The following KANSL1L variants were observed in gnomAD, a reference collection of about 807,000 sequenced individuals.
The protein encoded by KANSL1L is KAT8 regulatory NSL complex subunit 1-like protein.
A neutral mutation model predicts 108.6 loss-of-function variants in KANSL1L; 25 were observed. The ratio of observed to expected loss-of-function variants is 0.23; its 90% CI spans 0.17 to 0.32. KANSL1L has a LOEUF of 0.32. Ranked by LOEUF, KANSL1L falls within the 10% of genes least tolerant of loss-of-function variation. The pLI is 1.00. For missense variants in KANSL1L, 1,137 were observed against 1,125.7 expected, an observed-to-expected ratio of 1.01 and a Z score of -0.14; for synonymous variants, 405 against 395.1, an observed-to-expected ratio of 1.03 and a Z score of -0.30.
chr2:210,040,802 A>G (rs1364621024), intron 7 of KANSL1L, among the ~76,000 whole-genome samples: 2 of 152,188 alleles, frequency 1.3e-5, no homozygotes, highest in African/African-American at 2.4e-5. Context: ...AAAATAGTAC[A>G]TAAGATGAAC....
At position 210,111,711 on chromosome 2, in the gene KANSL1L, CTTTT is replaced by C. The variant is rs558766388; in HGVS notation, c.1231-7414_1231-7411del. 2.7e-5 allele frequency among the ~76,000 whole-genome samples: 4 copies of C among 150,828 alleles called. No homozygotes were observed. In the East Asian group the frequency reaches 7.8e-4, roughly 29 times the overall value. Reference sequence around the variant, plus strand: ...AATAAACAAGAACATCTTTTTTTTTCTTTTTTTTAACTTTTTTTAAAAAATTTTA... The same window carrying C: ...AATAAACAAGAACATCTTTTTTTTTCTTTTAACTTTTTTTAAAAAATTTTA... On this transcript the variant is annotated intron_variant, in intron 3 of 14. Coordinates refer to ENST00000281772, the MANE Select transcript of KANSL1L (RefSeq NM_152519.4).
At chr2:210,161,154 AATTTTTGT>A (rs1206547797) in intron 1 of KANSL1L, among the ~76,000 whole-genome samples, 1 of 151,882 alleles carries the variant, frequency 6.6e-6, no homozygotes, top group Non-Finnish European at 1.5e-5. Flanking sequence ...ATGCCCGGCT[AATTTTTGT>A]ATTTTTGTAG....
chr2:210,137,855 A>T (rs1575598916), intron 2 of KANSL1L, among the ~76,000 whole-genome samples: 1 of 152,154 alleles, frequency 6.6e-6, no homozygotes, highest in East Asian at 1.9e-4. Flanking sequence ...GCACAGCAAA[A>T]ACCTGTCTCT....
At chr2:210,075,412 T>G in intron 6 of KANSL1L, 140 bp downstream of exon 6, 1 of 626,574 alleles carries the variant, frequency 1.6e-6, no homozygotes, top group Non-Finnish European at 2.8e-6. Flanking sequence ...ACTATATCAT[T>G]TTTAAACTAT....
At chr2:210,058,750 T>C (rs1374777713) in intron 6 of KANSL1L, among the ~76,000 whole-genome samples, 2 of 148,516 alleles carry the variant, frequency 1.3e-5, no homozygotes, top group Non-Finnish European at 3.0e-5. Context: ...GGCAGGAGAA[T>C]GGTGTGAACC....
At chr2:210,102,364 T>C (rs1053217639) in intron 4 of KANSL1L, among the ~76,000 whole-genome samples, 5 of 152,162 alleles carry the variant, frequency 3.3e-5, no homozygotes, top group Admixed American at 3.3e-4. Context: ...ATAAAAACCC[T>C]AGAAGAAAAC....
At chr2:210,161,502 A>G (rs1477353366) in intron 1 of KANSL1L, among the ~76,000 whole-genome samples, 1 of 152,250 alleles carries the variant, frequency 6.6e-6, no homozygotes, top group Non-Finnish European at 1.5e-5. Flanking sequence ...AATGTTTGTG[A>G]CACTGCTTTA....
chr2:210,166,890 T>C (rs1411581366), intron 1 of KANSL1L, among the ~76,000 whole-genome samples: 3 of 151,644 alleles, frequency 2.0e-5, no homozygotes, highest in African/African-American at 7.3e-5. Flanking sequence ...AAAGAAAGAG[T>C]AGAAAAAAGA....
intron 5 of KANSL1L, among the ~76,000 whole-genome samples, chr2:210,083,943 T>C (rs1026164937): frequency 2.6e-5 from 4 of 151,616 alleles, no homozygotes; most frequent in Non-Finnish European, 4.4e-5. Flanking sequence ...AATGATCAAA[T>C]AGATCAAGAT....
chr2:210,097,994 A>G, intron 5 of KANSL1L, 92 bp downstream of exon 5: 1 of 1,058,042 alleles, frequency 9.5e-7, no homozygotes, highest in Non-Finnish European at 1.3e-6. Context: ...CAAAAAAAGT[A>G]GCTATAATAC....
chr2:210,151,171 A>G (rs1003134047), intron 2 of KANSL1L, among the ~76,000 whole-genome samples: 5 of 152,022 alleles, frequency 3.3e-5, no homozygotes, highest in Non-Finnish European at 7.4e-5. Flanking sequence ...GCACACCACC[A>G]TGCCGGGCTA....
intron 2 of KANSL1L, among the ~76,000 whole-genome samples, chr2:210,141,417 T>G (rs1478221237): frequency 6.6e-6 from 1 of 152,046 alleles, no homozygotes; most frequent in African/African-American, 2.4e-5. Flanking sequence ...GCTCCACCTT[T>G]ATCATGAGAT....
chr2:210,120,159 G>A (rs960471376), intron 3 of KANSL1L, among the ~76,000 whole-genome samples: 4 of 152,126 alleles, frequency 2.6e-5, no homozygotes, highest in African/African-American at 9.7e-5. Context: ...GGAGGCTCAG[G>A]CAGGTGGACT....
intron 2 of KANSL1L, among the ~76,000 whole-genome samples, chr2:210,143,618 T>C (rs1349186872): frequency 6.6e-6 from 1 of 152,110 alleles, no homozygotes; most frequent in African/African-American, 2.4e-5. Context: ...CTTCATCTTT[T>C]GTATATCTAC....
chr2:210,137,200 C>T (rs2095181514), intron 2 of KANSL1L, among the ~76,000 whole-genome samples: 1 of 152,120 alleles, frequency 6.6e-6, no homozygotes, highest in South Asian at 2.1e-4. Flanking sequence ...CTTTTTAACA[C>T]AAGCAAAATA....
intron 1 of KANSL1L, among the ~76,000 whole-genome samples, chr2:210,162,222 G>GTATATATATATATATATATATA (rs71043976): frequency 0.018 from 1,978 of 107,044 alleles, 115 homozygotes; most frequent in Non-Finnish European, 0.02. Flanking sequence ...AGTGGTTCAG[G>GTATATATATATATATATATATA]TATATATATA....
At position 210,029,836 on chromosome 2, in the gene KANSL1L, G is replaced by T; in HGVS notation, c.2238C>A (p.Val746=). 6.2e-7 allele frequency: 1 copy of T among 1,602,470 alleles called. No homozygotes were observed. The highest frequency in any genetic ancestry group is 8.5e-7 in the Non-Finnish European group (1 of 1,171,098). The change falls in exon 10 of 15, where the codon GTC becomes GTA. Residue 746 remains valine (V), a synonymous_variant. Transcript: ENST00000281772. Reference sequence around the variant, plus strand: ...AATTCTGGATTCTTGATAAAACGTTGACATTGGAAACAGCAGTAAAATTGC... The same window carrying T: ...AATTCTGGATTCTTGATAAAACGTTTACATTGGAAACAGCAGTAAAATTGC... The part of the protein sequence containing the change: ...SHSNFTAVSN[V]NVLSRIQNSS...
intron 5 of KANSL1L, chr2:210,097,078 G>C (rs1344571868): frequency 5.2e-6 from 1 of 192,520 alleles, no homozygotes. Flanking sequence ...TGAGTAGCTG[G>C]TACTACAGGA....
chr2:210,134,034 C>G (rs1277677776), intron 2 of KANSL1L, among the ~76,000 whole-genome samples: 1 of 152,040 alleles, frequency 6.6e-6, no homozygotes, highest in African/African-American at 2.4e-5. Flanking sequence ...AAATGTTTCA[C>G]TGGGCAGAGA....
Sources: allele counts gnomAD v4.1 joint callset (sites outside exome capture counted in the v4.1 genomes callset), GRCh38; gene constraint gnomAD v4.1.1; transcripts MANE v1.5; gene names NCBI Gene and HGNC (gene_info 2026-07-23, HGNC 2026-07-21).